The following PTPRD variants were observed in gnomAD, a reference collection of about 807,000 sequenced individuals.
PTPRD encodes the protein protein tyrosine phosphatase receptor type D.
PTPRD carries 34 observed loss-of-function variants against 214.5 expected under a neutral mutation model. The observed-to-expected ratio is 0.16, with a 90% CI of 0.12 to 0.21. The LOEUF (loss-of-function observed/expected upper bound fraction) is 0.21, where lower values mean the gene tolerates loss of function less well. PTPRD is among the 10% of genes least tolerant of loss of function. PTPRD has a pLI of 1.00. For synonymous variants in PTPRD, 1,128 were observed against 845.7 expected (o/e 1.33, Z -5.79); for missense variants, 2,545 against 2,398.7 (o/e 1.06, Z -1.27).
At chr9:9,007,586 C>T (rs1051803626) in intron 11 of PTPRD, among the ~76,000 whole-genome samples, 8 of 151,958 alleles carry the variant, frequency 5.3e-5, no homozygotes, top group Admixed American at 1.3e-4. Context: ...AACTTTCCAT[C>T]AATTCCATTC....
At chr9:8,794,870 A>T (rs1040300949) in intron 11 of PTPRD, among the ~76,000 whole-genome samples, 7 of 152,040 alleles carry the variant, frequency 4.6e-5, no homozygotes, top group African/African-American at 1.7e-4. Flanking sequence ...AAAAAAAAAA[A>T]CATCAAACTG....
At chr9:10,286,120 T>C (rs2095344658) in intron 3 of PTPRD, among the ~76,000 whole-genome samples, 1 of 152,222 alleles carries the variant, frequency 6.6e-6, no homozygotes, top group Non-Finnish European at 1.5e-5. Flanking sequence ...ACATAACAAT[T>C]ATGCCTTTCA....
intron 10 of PTPRD, among the ~76,000 whole-genome samples, chr9:9,026,685 G>C (rs532646852): frequency 2.6e-5 from 4 of 151,734 alleles, no homozygotes; most frequent in Non-Finnish European, 5.9e-5. Context: ...CCAGTTTTCT[G>C]CATCGACATT....
chr9:8,331,484 A>ATAAAT, intron 44 of PTPRD, 98 bp downstream of exon 44: 1 of 1,395,214 alleles, frequency 7.2e-7, no homozygotes, highest in Non-Finnish European at 9.8e-7. Context: ...ATTGCCAAGA[A>ATAAAT]TAAAATTTCA....
intron 9 of PTPRD, among the ~76,000 whole-genome samples, chr9:9,251,128 A>G (rs1422200157): frequency 6.6e-6 from 1 of 152,018 alleles, no homozygotes; most frequent in African/African-American, 2.4e-5. Context: ...GACAGATTTA[A>G]GGTTGGGGGC....
intron 5 of PTPRD, among the ~76,000 whole-genome samples, chr9:9,914,768 G>C (rs925026872): frequency 3.9e-5 from 6 of 152,140 alleles, no homozygotes; most frequent in African/African-American, 1.4e-4. Context: ...GCCTGCTTGT[G>C]CTCATATCTC....
chr9:8,778,565 G>C (rs909838945), intron 11 of PTPRD, among the ~76,000 whole-genome samples: 7 of 152,224 alleles, frequency 4.6e-5, no homozygotes, highest in African/African-American at 1.7e-4. Context: ...GCTGGGTCCT[G>C]GGCCGTGACT....
chr9:10,165,900 T>C (rs2099156111), intron 3 of PTPRD, among the ~76,000 whole-genome samples: 1 of 151,004 alleles, frequency 6.6e-6, no homozygotes, highest in African/African-American at 2.4e-5. Flanking sequence ...AATATATAAA[T>C]ACACATGTCA....
intron 7 of PTPRD, among the ~76,000 whole-genome samples, chr9:9,727,346 A>G (rs1044449484): frequency 7.9e-5 from 12 of 152,050 alleles, no homozygotes; most frequent in African/African-American, 2.7e-4. Context: ...AGCTACTCAG[A>G]AGTTGAGGCA....
chr9:9,687,988 T>A (rs2097195642), intron 7 of PTPRD, among the ~76,000 whole-genome samples: 1 of 151,782 alleles, frequency 6.6e-6, no homozygotes, highest in Non-Finnish European at 1.5e-5. Context: ...AGTGAGGGAA[T>A]TCTCATGGGA....
chr9:8,677,709 A>G (rs1001993322), intron 12 of PTPRD, among the ~76,000 whole-genome samples: 3 of 152,224 alleles, frequency 2.0e-5, no homozygotes, highest in African/African-American at 7.2e-5. Flanking sequence ...ATCAGAAACC[A>G]GCAAGGCATA....
At chr9:9,344,670 T>TACTTTTA (rs2048151815) in intron 9 of PTPRD, among the ~76,000 whole-genome samples, 1 of 152,110 alleles carries the variant, frequency 6.6e-6, no homozygotes, top group African/African-American at 2.4e-5. Context: ...AAAATTAACT[T>TACTTTTA]ACTTTTAACT....
intron 2 of PTPRD, among the ~76,000 whole-genome samples, chr9:10,604,952 A>G (rs2078918217): frequency 6.6e-6 from 1 of 151,868 alleles, no homozygotes; most frequent in Non-Finnish European, 1.5e-5. Flanking sequence ...TAGTACTTTG[A>G]TAAAGGTTTT....
chr9:10,219,618 G>C (rs138720111), intron 3 of PTPRD, among the ~76,000 whole-genome samples: 106 of 151,678 alleles, frequency 7.0e-4, no homozygotes, highest in African/African-American at 2.5e-3. Flanking sequence ...TCCTTAAATT[G>C]GTTCCGGATT....
chr9:8,786,678 G>C (rs1173956206), intron 11 of PTPRD, among the ~76,000 whole-genome samples: 2 of 151,306 alleles, frequency 1.3e-5, no homozygotes, highest in African/African-American at 4.9e-5. Flanking sequence ...GCATCCTAAA[G>C]TGCTGGGATT....
chr9:9,367,415 C>A (rs954196581), intron 9 of PTPRD, among the ~76,000 whole-genome samples: 1 of 151,616 alleles, frequency 6.6e-6, no homozygotes, highest in East Asian at 1.9e-4. Flanking sequence ...TCTTTCACCA[C>A]ATTGACATTT....
At position 8,678,510 on chromosome 9, in the gene PTPRD, T is replaced by C. The variant is rs568561837; in HGVS notation, c.65-41666A>G. Among the ~76,000 whole-genome samples the C allele has an allele frequency of 1.1e-4, 16 of 152,276 alleles. No individual in the cohort carries two copies. In the South Asian group the frequency reaches 3.3e-3, roughly 32 times the overall value. On this transcript the variant is annotated intron_variant, in intron 12 of 45. Coordinates refer to ENST00000381196, the MANE Select transcript of PTPRD (RefSeq NM_002839.4). ...CCAGCCCCCTTCACTTTCAGGGCAT[T>C]CCAGAATTCAAGTTTAACGAGGGCA...
At chr9:10,339,864 A>G (rs907741625) in intron 3 of PTPRD, among the ~76,000 whole-genome samples, 1 of 151,796 alleles carries the variant, frequency 6.6e-6, no homozygotes, top group East Asian at 1.9e-4. Context: ...TAAAGTAAAA[A>G]TATAATTTTG....
At chr9:8,493,185 T>C (rs1487969652) in intron 26 of PTPRD, among the ~76,000 whole-genome samples, 1 of 152,046 alleles carries the variant, frequency 6.6e-6, no homozygotes, top group African/African-American at 2.4e-5. Flanking sequence ...TCTTGGGAGG[T>C]AGATCTTAGG....
Sources: gnomAD v4.1 joint callset for allele counts (sites outside exome capture counted in the v4.1 genomes callset) on GRCh38, gnomAD v4.1.1 for gene constraint, MANE v1.5 for transcripts, NCBI Gene and HGNC (gene_info 2026-07-23, HGNC 2026-07-21) for gene names.